Variants in EXOC6 observed in about 807,000 individuals in gnomAD.
EXOC6 encodes the protein exocyst complex component 6, also known as SEC15-like 1.
Under a neutral mutation model 112.5 loss-of-function variants are expected in EXOC6, and 60 were observed. The observed-to-expected ratio is 0.53, with a 90% CI of 0.43 to 0.66. The LOEUF (loss-of-function observed/expected upper bound fraction) is 0.66. Ranked by LOEUF, EXOC6 falls within the 30% of genes least tolerant of loss-of-function variation. The pLI is 0.00. For missense variants in EXOC6, 855 were observed against 957.1 expected (o/e 0.89, Z 1.41); for synonymous variants, 295 against 308.0 (o/e 0.96, Z 0.44).
chr10:92,984,067 A>T (rs1049031599), intron 18 of EXOC6, among the ~76,000 whole-genome samples: 1 of 152,132 alleles, frequency 6.6e-6, no homozygotes, highest in African/African-American at 2.4e-5. Context: ...ACCAGTAAAC[A>T]GTACTGGTGT....
At chr10:93,014,925 C>G (rs1844432181) in intron 20 of EXOC6, among the ~76,000 whole-genome samples, 1 of 150,128 alleles carries the variant, frequency 6.7e-6, no homozygotes, top group Admixed American at 6.6e-5. Flanking sequence ...TATTCTTTTC[C>G]TCCTCTTTTC....
At chr10:92,840,587 G>A (rs548353839) in intron 1 of EXOC6, among the ~76,000 whole-genome samples, 1 of 152,120 alleles carries the variant, frequency 6.6e-6, no homozygotes, top group East Asian at 1.9e-4. Flanking sequence ...CTGAGCAGGT[G>A]TGAAATATTG....
chr10:92,983,482 ATTTC>A (rs149187310), intron 18 of EXOC6, among the ~76,000 whole-genome samples: 11 of 23,364 alleles, frequency 4.7e-4, no homozygotes, highest in African/African-American at 1.2e-3. Flanking sequence ...AATCTCTTCT[ATTTC>A]TTTCTTTCTT....
At chr10:92,942,018 G>A (rs914166939) in intron 13 of EXOC6, among the ~76,000 whole-genome samples, 8 of 152,100 alleles carry the variant, frequency 5.3e-5, no homozygotes, top group Non-Finnish European at 8.8e-5. Flanking sequence ...ATAAAAGTAC[G>A]TTAGATGATT....
At chr10:92,831,433 TTTTTTA>T (rs1846476101), upstream of EXOC6, 5 of 865,228 alleles carry the variant, frequency 5.8e-6, no homozygotes, top group South Asian at 8.1e-5. Context: ...ATTCTATTTT[TTTTTTA>T]TTTTTATTTT....
chr10:92,997,398 T>A, intron 18 of EXOC6, 76 bp from the exon 19 acceptor site: 1 of 1,378,592 alleles, frequency 7.3e-7, no homozygotes, highest in Non-Finnish European at 9.8e-7. Context: ...GCCAGGTGTA[T>A]GATTTTTCTG....
chr10:92,903,316 CATT>C (rs888525771), intron 5 of EXOC6, among the ~76,000 whole-genome samples: 14 of 151,774 alleles, frequency 9.2e-5, no homozygotes, highest in African/African-American at 2.9e-4. Context: ...AATAGTATCT[CATT>C]GTTTCAATTT....
At chr10:92,940,522 A>G (rs1852597618) in intron 12 of EXOC6, among the ~76,000 whole-genome samples, 1 of 152,200 alleles carries the variant, frequency 6.6e-6, no homozygotes, top group South Asian at 2.1e-4. Flanking sequence ...AAACCATTCT[A>G]TTCTCATAAA....
chr10:92,905,712 G>T (rs1850408317), intron 5 of EXOC6, among the ~76,000 whole-genome samples: 1 of 152,038 alleles, frequency 6.6e-6, no homozygotes, highest in Non-Finnish European at 1.5e-5. Flanking sequence ...TATTAGCTTT[G>T]TATAATTTCT....
intron 20 of EXOC6, among the ~76,000 whole-genome samples, chr10:93,048,472 C>G (rs1012290600): frequency 6.7e-6 from 1 of 150,164 alleles, no homozygotes; most frequent in Non-Finnish European, 1.5e-5. Context: ...AACCTCGTCT[C>G]TAATACCTAA....
Position 92,960,575 on chromosome 10 carries a change from A to G in EXOC6, c.1773+4861A>G, listed in dbSNP as rs533899653. Among the ~76,000 whole-genome samples, 13 of 146,976 alleles carry G rather than the reference A, an allele frequency of 8.8e-5. No individual in the cohort carries two copies. In the East Asian group the frequency reaches 2.5e-3, roughly 29 times the overall value. ...TGTTAACCTAAAACTACTCTAAAAA[A>G]TAGTCTATTTAAATTGCAAAAAAAA... On this transcript the variant is annotated intron_variant, in intron 17 of 21. Coordinates refer to ENST00000260762, the MANE Select transcript of EXOC6 (RefSeq NM_019053.6).
At chr10:92,846,144 T>G (rs1198741807), upstream of EXOC6, among the ~76,000 whole-genome samples, 1 of 152,220 alleles carries the variant, frequency 6.6e-6, no homozygotes, top group African/African-American at 2.4e-5. Flanking sequence ...GCTGCTTATG[T>G]TGAAGTAATC....
chr10:92,975,486 G>GC (rs1400994044), intron 18 of EXOC6, among the ~76,000 whole-genome samples: 3 of 146,618 alleles, frequency 2.0e-5, no homozygotes, highest in African/African-American at 7.7e-5. Flanking sequence ...GGGGGGGTCA[G>GC]CCCCCCGCCC....
intron 7 of EXOC6, among the ~76,000 whole-genome samples, chr10:92,916,779 A>G (rs566550082): frequency 6.6e-6 from 1 of 152,238 alleles, no homozygotes; most frequent in South Asian, 2.1e-4. Context: ...TTTTTTTGCT[A>G]GGAAATTTTT....
chr10:92,909,615 A>G lies in EXOC6; in HGVS notation c.647A>G (p.Glu216Gly), dbSNP rs1334356100. Reference protein sequence around the residue: ...SIRKHSDKIGETAMKQAQHQK... With the variant: ...SIRKHSDKIGGTAMKQAQHQK... ...CGAAAACATTCTGACAAAATAGGTG[A>G]AACAGCAATGAAACAGGTGAGATTA... Residue 216 changes from glutamate to glycine, a missense_variant, in exon 6 of 22, where the codon GAA becomes GGA. Transcript: ENST00000260762. 6.2e-7 allele frequency: 1 copy of G among 1,605,978 alleles called. No individual in the cohort carries two copies. Among genetic ancestry groups the G allele is most frequent in the South Asian group, 1.1e-5 (1 of 90,328 alleles).
chr10:92,874,513 T>C (rs1664265664), intron 1 of EXOC6, among the ~76,000 whole-genome samples: 1 of 152,160 alleles, frequency 6.6e-6, no homozygotes, highest in African/African-American at 2.4e-5. Flanking sequence ...TCTAATGTGC[T>C]AGTCAGATGA....
At chr10:92,893,634 A>G (rs1849613418) in intron 2 of EXOC6, 114 bp downstream of exon 2, 4 of 849,064 alleles carry the variant, frequency 4.7e-6, no homozygotes, top group Admixed American at 4.9e-5. Flanking sequence ...GAAGTGAATT[A>G]GTATATGTAT....
chr10:92,988,285 T>G (rs926832373), intron 18 of EXOC6, among the ~76,000 whole-genome samples: 10 of 152,226 alleles, frequency 6.6e-5, no homozygotes, highest in Non-Finnish European at 1.2e-4. Flanking sequence ...CTTTTTCACC[T>G]TTACTTGTGA....
At chr10:92,988,310 A>G (rs1381461704) in intron 18 of EXOC6, among the ~76,000 whole-genome samples, 1 of 152,194 alleles carries the variant, frequency 6.6e-6, no homozygotes, top group Non-Finnish European at 1.5e-5. Context: ...TTGACAGAAT[A>G]AGAACTAACA....
Sources: gnomAD v4.1 joint callset for allele counts (sites outside exome capture counted in the v4.1 genomes callset) on GRCh38, gnomAD v4.1.1 for gene constraint, MANE v1.5 for transcripts, NCBI Gene and HGNC (gene_info 2026-07-23, HGNC 2026-07-21) for gene names.